Variants in S100PBP observed in about 807,000 individuals in gnomAD.
S100PBP encodes the protein S100P-binding protein.
Under a neutral mutation model 39.9 loss-of-function variants are expected in S100PBP, and 15 were observed. That is an observed-to-expected ratio of 0.38 (90% CI 0.25 to 0.58). S100PBP has a LOEUF of 0.58. S100PBP is among the 20% of genes least tolerant of loss of function. The pLI, the probability that S100PBP is intolerant of heterozygous loss-of-function variation, is 0.70. For synonymous variants in S100PBP, 178 were observed against 180.3 expected, an observed-to-expected ratio of 0.99 and a Z score of 0.10; for missense variants, 504 against 487.3, an observed-to-expected ratio of 1.03 and a Z score of -0.32.
rs1639330919 is a variant in S100PBP, at chr1:32,826,470, G to A, written c.371G>A (p.Gly124Asp). The change falls in exon 3 of 7, where the codon GGT (glycine) becomes GAT (aspartate). Residue 124 changes from glycine (G) to aspartate (D), a missense_variant. Physicochemically the swap from Gly to Asp is moderately conservative, Grantham distance 94 (BLOSUM62 -1). Transcript: ENST00000373475. ...FKLPQLSTSS[G>D]HGPAHTKPLN... Reference sequence around the variant, plus strand: ...CTACCTCAGCTAAGTACATCAAGTGGTCATGGACCAGCTCATACTAAACCA... The same window carrying A: ...CTACCTCAGCTAAGTACATCAAGTGATCATGGACCAGCTCATACTAAACCA... The A allele has an allele frequency of 6.2e-7, 1 of 1,614,094 alleles. No individual in the cohort carries two copies. The highest frequency in any genetic ancestry group is 8.5e-7 in the Non-Finnish European group (1 of 1,180,014).
At chr1:32,831,629 T>C (rs993081925) in intron 5 of S100PBP, among the ~76,000 whole-genome samples, 7 of 152,040 alleles carry the variant, frequency 4.6e-5, no homozygotes, top group African/African-American at 1.7e-4. Context: ...TACACTGATT[T>C]CTTAGCCCTC....
intron 5 of S100PBP, among the ~76,000 whole-genome samples, chr1:32,844,206 G>A (rs1397711409): frequency 6.6e-6 from 1 of 152,054 alleles, no homozygotes; most frequent in Non-Finnish European, 1.5e-5. Context: ...GTGAGCCACT[G>A]TGCCCAGCCA....
chr1:32,843,934 G>A (rs146343718), intron 5 of S100PBP, among the ~76,000 whole-genome samples: 3,783 of 151,040 alleles, frequency 0.025, 164 homozygotes, highest in Admixed American at 0.12. Context: ...CTTTTTTTGA[G>A]ATGGAGTCTC....
rs1371050382 is a variant in S100PBP at position 32,856,561 on chromosome 1, G to A, written c.*523G>A. 5.2e-5 allele frequency: 8 copies of A among 152,768 alleles called. No homozygotes were observed. The highest frequency in any genetic ancestry group is 1.9e-4 in the African/African-American group (8 of 41,412). 9.5% of individuals were successfully genotyped at this position (152,768 alleles called of 1,614,324 possible). On this transcript the variant is annotated 3_prime_UTR_variant, in exon 7 of 7. Transcript: ENST00000373475. ...AATACCTGTCAGTATTTTAAAGTTG[G>A]CAATCCAGGACATTATAAGTAGGAT...
At position 32,826,388 on chromosome 1, in the gene S100PBP, G is replaced by A. The variant is rs1179523671; in HGVS notation, c.289G>A (p.Glu97Lys). 7 of 1,614,098 alleles carry A rather than the reference G, an allele frequency of 4.3e-6. No homozygotes were observed. The highest frequency in any genetic ancestry group is 1.6e-4 in the Middle Eastern group (1 of 6,062). ...TCAAATTCTACTTGATACTCCCCGA[G>A]AGAAAAATTCATCGTACAGCCTGGG... ...GSQILLDTPR[E>K]KNSSYSLGPV... is the part of the protein sequence containing the mutation. The change falls in exon 3 of 7, where the codon GAG becomes AAG. Residue 97 changes from glutamate to lysine, a missense_variant. By Grantham distance (56) the Glu-to-Lys change is moderately conservative. Transcript: ENST00000373475.
chr1:32,817,134 C>T (rs1017116740), upstream of S100PBP: 3 of 1,609,330 alleles, frequency 1.9e-6, no homozygotes, highest in African/African-American at 2.7e-5. Context: ...CTCAAAATCA[C>T]TGAACCTCGG....
intron 4 of S100PBP, among the ~76,000 whole-genome samples, 165 bp from the exon 5 acceptor site, chr1:32,829,799 T>C (rs932984679): frequency 1.3e-5 from 2 of 152,174 alleles, no homozygotes; most frequent in Non-Finnish European, 2.9e-5. Context: ...ATTTTAGTTT[T>C]TTTTGTGTAT....
chr1:32,844,563 A>G (rs1270220197), intron 5 of S100PBP, among the ~76,000 whole-genome samples: 3 of 151,562 alleles, frequency 2.0e-5, no homozygotes, highest in African/African-American at 7.3e-5. Context: ...TGCAGCCTCT[A>G]CCTCCTTAGC....
intron 5 of S100PBP, among the ~76,000 whole-genome samples, chr1:32,844,905 T>C (rs1640293114): frequency 6.6e-6 from 1 of 151,896 alleles, no homozygotes; most frequent in Non-Finnish European, 1.5e-5. Context: ...CTCGGCTCAC[T>C]GCAAGCTGTG....
At chr1:32,846,151 G>A (rs1024411978) in intron 5 of S100PBP, among the ~76,000 whole-genome samples, 3 of 151,348 alleles carry the variant, frequency 2.0e-5, no homozygotes, top group African/African-American at 2.4e-5. Flanking sequence ...CACTACACCC[G>A]GCTTATTTTG....
chr1:32,831,555 AG>A (rs1639600556), intron 5 of S100PBP, among the ~76,000 whole-genome samples: 1 of 152,100 alleles, frequency 6.6e-6, no homozygotes, highest in South Asian at 2.1e-4. Flanking sequence ...ATCAGTCAGA[AG>A]AATTTTTTAT....
intron 1 of S100PBP, among the ~76,000 whole-genome samples, chr1:32,822,724 G>T (rs1240605938): frequency 6.6e-6 from 1 of 151,882 alleles, no homozygotes; most frequent in Non-Finnish European, 1.5e-5. Flanking sequence ...CATATATATG[G>T]TATTGTTTTG....
chr1:32,843,438 G>T (rs1355988170), intron 5 of S100PBP, among the ~76,000 whole-genome samples: 1 of 151,836 alleles, frequency 6.6e-6, no homozygotes, highest in Non-Finnish European at 1.5e-5. Flanking sequence ...GGGACTACAG[G>T]CATGAGCCAC....
chr1:32,837,224 G>GTTATAAGT (rs1208533482), intron 5 of S100PBP: 1 of 147,940 alleles, frequency 6.8e-6, no homozygotes, highest in Non-Finnish European at 1.5e-5. Context: ...TCTGAAGTCT[G>GTTATAAGT]TTATAAGTTT....
intron 4 of S100PBP, among the ~76,000 whole-genome samples, chr1:32,828,566 T>A (rs148415768): frequency 2.6e-5 from 4 of 152,288 alleles, no homozygotes; most frequent in Admixed American, 2.6e-4. Flanking sequence ...TGCCAGGAGA[T>A]GGCAGTATCT....
intron 6 of S100PBP, 38 bp downstream of exon 6, chr1:32,853,204 A>C (rs1337816786): frequency 1.3e-6 from 2 of 1,493,898 alleles, no homozygotes; most frequent in South Asian, 1.1e-5. Context: ...AAAGGGTAGA[A>C]TGGCTGGGCG....
Position 32,857,100 on chromosome 1 carries a change from A to G in S100PBP, c.*1062A>G, listed in dbSNP as rs997131502. 6.6e-6 allele frequency: 1 copy of G among 152,122 alleles called. No homozygotes were observed. The highest frequency in any genetic ancestry group is 1.5e-5 in the Non-Finnish European group (1 of 68,012). 9.4% of individuals were successfully genotyped at this position (152,122 alleles called of 1,614,324 possible). Reference sequence around the variant, plus strand: ...TGTGGAAAGGCACTCTTTTTTCTCCATATTAGTTAACAAGAGGTGTCTTTA... The same window carrying G: ...TGTGGAAAGGCACTCTTTTTTCTCCGTATTAGTTAACAAGAGGTGTCTTTA... On this transcript the variant is annotated 3_prime_UTR_variant, in exon 7 of 7. Transcript: ENST00000373475.
At position 32,826,901 on chromosome 1, in the gene S100PBP, T is replaced by G. The variant is rs1032315246; in HGVS notation, c.802T>G (p.Ser268Ala). 6.3e-6 allele frequency: 10 copies of G among 1,595,530 alleles called. No individual in the cohort carries two copies. Among genetic ancestry groups the G allele is most frequent in the Admixed American group, 1.8e-5 (1 of 55,350 alleles). The change falls in exon 3 of 7, where the codon TCT becomes GCT. Residue 268 changes from serine (S) to alanine (A), a missense_variant. Physicochemically the swap from Ser to Ala is moderately conservative, Grantham distance 99. Transcript: ENST00000373475. Reference sequence around the variant, plus strand: ...ACACAAGTCAAGTTGTGAAATGAGATCTCTGGTTGTTTCCACCTCATCAAA... The same window carrying G: ...ACACAAGTCAAGTTGTGAAATGAGAGCTCTGGTTGTTTCCACCTCATCAAA... Reference protein sequence around the residue: ...GSHKSSCEMRSLVVSTSSNKQ... With the variant: ...GSHKSSCEMRALVVSTSSNKQ...
intron 1 of S100PBP, among the ~76,000 whole-genome samples, chr1:32,823,976 A>T (rs991139378): frequency 1.3e-5 from 2 of 152,216 alleles, no homozygotes; most frequent in Admixed American, 1.3e-4. Flanking sequence ...AGGCAGGCGG[A>T]TCACAAGGTC....
Sources: allele counts gnomAD v4.1 joint callset (sites outside exome capture counted in the v4.1 genomes callset), GRCh38; gene constraint gnomAD v4.1.1; transcripts MANE v1.5; gene names NCBI Gene and HGNC (gene_info 2026-07-23, HGNC 2026-07-21).